TMIGD1: variants seen among roughly 807,000 people sequenced by gnomAD.
TMIGD1 encodes the protein transmembrane and immunoglobulin domain-containing protein 1.
In TMIGD1, 29 loss-of-function variants were observed where a neutral mutation model predicts 27.5. The ratio of observed to expected loss-of-function variants is 1.05; its 90% CI spans 0.78 to 1.44. TMIGD1 has a LOEUF of 1.44. TMIGD1 is among the 40% of genes most tolerant of loss of function. The pLI is 0.00. For synonymous variants in TMIGD1, 109 were observed against 110.3 expected (o/e 0.99, Z 0.07); for missense variants, 334 against 310.6 (o/e 1.08, Z -0.57).
intron 3 of TMIGD1, among the ~76,000 whole-genome samples, 185 bp from the exon 4 acceptor site, chr17:30,325,279 T>C (rs2143160073): frequency 6.6e-6 from 1 of 152,290 alleles, no homozygotes; most frequent in Non-Finnish European, 1.5e-5. Flanking sequence ...CCAAATCTCA[T>C]AGAACTTTTA....
At chr17:30,332,397 G>A (rs962991007) in intron 1 of TMIGD1, among the ~76,000 whole-genome samples, 10 of 152,196 alleles carry the variant, frequency 6.6e-5, no homozygotes, top group Middle Eastern at 3.2e-3. Context: ...GACAGATAGA[G>A]CAGCGTCAGG....
intron 4 of TMIGD1, among the ~76,000 whole-genome samples, chr17:30,321,810 A>C (rs1909630570): frequency 6.6e-6 from 1 of 152,196 alleles, no homozygotes; most frequent in Non-Finnish European, 1.5e-5. Flanking sequence ...CCATAACTGT[A>C]TAACACACTA....
At chr17:30,319,168 T>C (rs3110096) in intron 4 of TMIGD1, among the ~76,000 whole-genome samples, 147,868 of 147,868 alleles carry the variant, frequency 1, 73,934 homozygotes, top group Non-Finnish European at 1. Flanking sequence ...CTTTGGAAGG[T>C]TGAGGCGGGC....
chr17:30,329,194 A>G (rs1251115421), intron 3 of TMIGD1, 57 bp downstream of exon 3: 2 of 1,572,060 alleles, frequency 1.3e-6, no homozygotes, highest in African/African-American at 1.4e-5. Context: ...TTCAACTACC[A>G]CTTCATGTGT....
intron 4 of TMIGD1, among the ~76,000 whole-genome samples, chr17:30,322,825 C>G (rs556617917): frequency 7.9e-5 from 12 of 152,258 alleles, no homozygotes; most frequent in Admixed American, 1.3e-4. Flanking sequence ...ATACACAAAC[C>G]GAAGTAAACT....
intron 1 of TMIGD1, 99 bp from the exon 2 acceptor site, chr17:30,332,257 G>T (rs942631807): frequency 3.1e-6 from 2 of 637,444 alleles, no homozygotes; most frequent in South Asian, 2.1e-5. Context: ...AGTCCCAGAT[G>T]AATCATCCCA....
At chr17:30,329,561 A>G in intron 2 of TMIGD1, 32 bp from the exon 3 acceptor site, 1 of 1,579,232 alleles carries the variant, frequency 6.3e-7, no homozygotes. Context: ...ATTTAGATAT[A>G]CAGAGTAAAC....
At chr17:30,324,382 A>G (rs1909709344) in intron 4 of TMIGD1, among the ~76,000 whole-genome samples, 1 of 152,104 alleles carries the variant, frequency 6.6e-6, no homozygotes, top group Non-Finnish European at 1.5e-5. Flanking sequence ...ATTACCCTAC[A>G]GGTTAGAATT....
Position 30,323,713 on chromosome 17 carries a change from G to A in TMIGD1, c.640+1103C>T, listed in dbSNP as rs561476806. Among the ~76,000 whole-genome samples the A allele has an allele frequency of 3.3e-5, 5 of 152,264 alleles. No homozygotes were observed. The East Asian group carries it at 9.6e-4, about 29-fold the overall frequency. ...GTGGTGTTCATAGTCAGGATGGCAG[G>A]GCATGAGGCCCACCCTTCCATGCTT... On this transcript the variant is annotated intron_variant, in intron 4 of 6. Transcript: ENST00000328886.
intron 1 of TMIGD1, among the ~76,000 whole-genome samples, chr17:30,332,948 T>A (rs1910027458): frequency 6.6e-6 from 1 of 152,138 alleles, no homozygotes; most frequent in Non-Finnish European, 1.5e-5. Context: ...TTAAGCCTCC[T>A]AACAACCCTC....
At chr17:30,327,435 G>T (rs764874381) in intron 3 of TMIGD1, among the ~76,000 whole-genome samples, 2 of 151,498 alleles carry the variant, frequency 1.3e-5, no homozygotes, top group Non-Finnish European at 2.9e-5. Context: ...AAAAAGTTTC[G>T]TGGAATAAGC....
At chr17:30,318,571 A>G (rs1909496857) in intron 5 of TMIGD1, among the ~76,000 whole-genome samples, 1 of 152,200 alleles carries the variant, frequency 6.6e-6, no homozygotes, top group African/African-American at 2.4e-5. Flanking sequence ...TACCCCTGGC[A>G]ACACAGCTAT....
chr17:30,327,182 T>C (rs1318640821), intron 3 of TMIGD1, among the ~76,000 whole-genome samples: 1 of 152,374 alleles, frequency 6.6e-6, no homozygotes, highest in East Asian at 1.9e-4. Flanking sequence ...AATCACATTG[T>C]TGGCATTTCT....
rs774800328 is a variant in TMIGD1 at position 30,324,937 on chromosome 17, C to T, written c.519G>A (p.Gln173=). 4 of 1,614,174 alleles carry T rather than the reference C, an allele frequency of 2.5e-6. No individual in the cohort carries two copies. The highest frequency in any genetic ancestry group is 3.3e-4 in the Middle Eastern group (2 of 6,062). ...TTGACAGCTGAAAAGACTCACTTGT[C>T]TGTTGGATTTGGTGACGGCTTTTCT... ...DLEKSRHQIQ[Q]TSESFQLSIT... The change falls in exon 4 of 7, where the codon CAG becomes CAA. Residue 173 remains glutamine, a synonymous_variant. Transcript: ENST00000328886.
At chr17:30,333,849 T>C (rs1248125031) in intron 1 of TMIGD1, among the ~76,000 whole-genome samples, 151 bp downstream of exon 1, 1 of 152,014 alleles carries the variant, frequency 6.6e-6, no homozygotes, top group African/African-American at 2.4e-5. Flanking sequence ...TTGCCAGACC[T>C]CACCCAGCCC....
intron 4 of TMIGD1, 145 bp from the exon 5 acceptor site, chr17:30,319,058 AT>A: frequency 3.2e-6 from 2 of 628,688 alleles, no homozygotes; most frequent in Admixed American, 2.6e-5. Flanking sequence ...GATTGTCCTC[AT>A]TTCACAGGTG....
chr17:30,320,154 C>A (rs954534715), intron 4 of TMIGD1, among the ~76,000 whole-genome samples: 2 of 151,948 alleles, frequency 1.3e-5, no homozygotes, highest in African/African-American at 4.8e-5. Context: ...TCTCCTGCCT[C>A]AGCCTCCCGA....
In TMIGD1 at chr17:30,317,036, C is replaced by T. The variant is rs1015293649; in HGVS notation, c.785+157G>A. ...CTAGGCAACTTTTCAACCTGTCTTC[C>T]TCTAAAGTGGAGGCAGATTTTCCTC... On this transcript the variant is annotated intron_variant, in intron 6 of 6. Coordinates refer to ENST00000328886, the MANE Select transcript of TMIGD1 (RefSeq NM_206832.3). 1.0e-5 allele frequency: 9 copies of T among 859,010 alleles called. No individual in the cohort carries two copies. The African/African-American group carries it at 1.2e-4, about 11-fold the overall frequency. The allele number at this position is 859,010 out of a possible 1,614,324, so 53.2% of individuals were successfully genotyped here.
chr17:30,331,918 T>C, intron 2 of TMIGD1, 134 bp downstream of exon 2: 1 of 650,198 alleles, frequency 1.5e-6, no homozygotes. Context: ...AGTTGACTCC[T>C]GTACTGTGAG....
Sources: gnomAD v4.1 joint callset for allele counts (sites outside exome capture counted in the v4.1 genomes callset) on GRCh38, gnomAD v4.1.1 for gene constraint, MANE v1.5 for transcripts, NCBI Gene and HGNC (gene_info 2026-07-23, HGNC 2026-07-21) for gene names.